Variants in SH3KBP1 observed in about 807,000 individuals in gnomAD.
SH3KBP1 encodes the protein SH3 domain-containing kinase-binding protein 1.
A neutral mutation model predicts 50.1 loss-of-function variants in SH3KBP1; 8 were observed. The ratio of observed to expected loss-of-function variants is 0.16; its 90% CI spans 0.09 to 0.29. SH3KBP1 has a LOEUF of 0.29. Among genes scored for constraint, SH3KBP1 ranks in the 10% least tolerant of loss-of-function variants. The pLI, the probability that SH3KBP1 is intolerant of heterozygous loss-of-function variation, is 1.00. For synonymous variants in SH3KBP1, 227 were observed against 218.6 expected, an observed-to-expected ratio of 1.04 and a Z score of -0.34; for missense variants, 377 against 535.2, an observed-to-expected ratio of 0.70 and a Z score of 2.92.
intron 2 of SH3KBP1, among the ~76,000 whole-genome samples, chrX:19,749,805 G>T (rs1477067861): frequency 8.9e-6 from 1 of 112,294 alleles, no homozygotes. Flanking sequence ...TAACTAAAAT[G>T]GTAAATTTTA....
intron 1 of SH3KBP1, among the ~76,000 whole-genome samples, chrX:19,866,278 G>C (rs936173296): frequency 8.9e-6 from 1 of 111,862 alleles, no homozygotes; most frequent in African/African-American, 3.3e-5. Flanking sequence ...TTCTATGGTA[G>C]AACCATGGCA....
intron 3 of SH3KBP1, among the ~76,000 whole-genome samples, chrX:19,722,819 CAA>C (rs200955557): frequency 2.1e-5 from 2 of 94,025 alleles, no homozygotes; most frequent in African/African-American, 7.8e-5. Flanking sequence ...ACCAGTTCTT[CAA>C]AAAAAAAAAA....
Position 19,668,961 on chromosome X carries a change from TA to T in SH3KBP1, c.726+14861del, listed in dbSNP as rs1569404910. On this transcript the variant is annotated intron_variant, in intron 6 of 17. Transcript: ENST00000397821. Reference sequence around the variant, plus strand: ...ATATATATATATATATATATATATATATATATATATATATTTTTTGAGACAG... The same window carrying T: ...ATATATATATATATATATATATATATTATATATATATATTTTTTGAGACAG... 7.7e-3 allele frequency among the ~76,000 whole-genome samples: 462 copies of T among 60,267 alleles called. 13 individuals are homozygous for T. Among genetic ancestry groups the T allele is most frequent in the African/African-American group, 0.028 (437 of 15,806 alleles). 52.3% of individuals were successfully genotyped at this position (60,267 alleles called of 115,157 possible). A position where few individuals can be genotyped will look rare whatever the true frequency, so the allele number is the denominator to read the frequency against.
intron 6 of SH3KBP1, among the ~76,000 whole-genome samples, chrX:19,682,766 C>T (rs2063083996): frequency 9.1e-6 from 1 of 109,585 alleles, no homozygotes; most frequent in Admixed American, 9.8e-5. Context: ...ATTCAGTGTT[C>T]GAAAAGTTTC....
At chrX:19,867,410 G>T (rs1032969598) in intron 1 of SH3KBP1, among the ~76,000 whole-genome samples, 1 of 111,935 alleles carries the variant, frequency 8.9e-6, no homozygotes, top group African/African-American at 3.3e-5. Flanking sequence ...AGATAAATAA[G>T]ATGTCTCACG....
chrX:19,864,577 G>C (rs2068858167), intron 1 of SH3KBP1, among the ~76,000 whole-genome samples: 1 of 111,579 alleles, frequency 9.0e-6, no homozygotes, highest in African/African-American at 3.3e-5. Flanking sequence ...ATGAGCCAAG[G>C]AATACGGGCT....
chrX:19,852,636 G>GAAAAAAAAAAA (rs760707711), intron 1 of SH3KBP1, among the ~76,000 whole-genome samples: 3 of 51,952 alleles, frequency 5.8e-5, no homozygotes, highest in African/African-American at 1.3e-4. Flanking sequence ...TAGCTGCACA[G>GAAAAAAAAAAA]AAAAAAAAAA....
At chrX:19,864,256 G>C (rs2068848376) in intron 1 of SH3KBP1, among the ~76,000 whole-genome samples, 1 of 111,443 alleles carries the variant, frequency 9.0e-6, no homozygotes, top group Non-Finnish European at 1.9e-5. Flanking sequence ...TGCCCCTTTG[G>C]CCCTACCCGA....
chrX:19,834,468 T>C (rs1173287801), intron 2 of SH3KBP1, among the ~76,000 whole-genome samples: 4 of 112,280 alleles, frequency 3.6e-5, no homozygotes, highest in African/African-American at 9.7e-5. Context: ...CAGTATGAGA[T>C]AGAAAGTTTA....
intron 2 of SH3KBP1, among the ~76,000 whole-genome samples, chrX:19,804,196 A>G (rs2066966029): frequency 9.1e-6 from 1 of 110,343 alleles, no homozygotes. Flanking sequence ...AAGAAATGAA[A>G]CCCCAAACCC....
At chrX:19,799,238 G>A (rs778154402) in intron 2 of SH3KBP1, among the ~76,000 whole-genome samples, 1 of 111,609 alleles carries the variant, frequency 9.0e-6, no homozygotes, top group East Asian at 2.8e-4. Flanking sequence ...AGAAATGGAT[G>A]CCTGCAGGGG....
intron 2 of SH3KBP1, among the ~76,000 whole-genome samples, chrX:19,762,744 T>C (rs955505836): frequency 1.8e-5 from 2 of 111,903 alleles, no homozygotes; most frequent in African/African-American, 6.5e-5. Flanking sequence ...GTGAATCAGG[T>C]GAGCTGCGTT....
At position 19,867,252 on chromosome X, in the gene SH3KBP1, T is replaced by G. The variant is rs1242913703; in HGVS notation, c.4+20055A>C. On this transcript the variant is annotated intron_variant, in intron 1 of 17. Transcript: ENST00000397821. Reference sequence around the variant, plus strand: ...CCCACTGGGGCTTCCTGAACCAGCATGTGCCTTCTCCTCAAGTGGTGACCC... The same window carrying G: ...CCCACTGGGGCTTCCTGAACCAGCAGGTGCCTTCTCCTCAAGTGGTGACCC... Among the ~76,000 whole-genome samples the G allele has an allele frequency of 2.7e-5, 3 of 110,910 alleles. No homozygotes were observed. The East Asian group carries it at 8.5e-4, about 32-fold the overall frequency.
At chrX:19,651,944 T>C (rs1052270136) in intron 6 of SH3KBP1, among the ~76,000 whole-genome samples, 1 of 111,596 alleles carries the variant, frequency 9.0e-6, no homozygotes, top group South Asian at 3.8e-4. Context: ...ACCTCGAGAG[T>C]AGGACCTAAA....
intron 1 of SH3KBP1, among the ~76,000 whole-genome samples, chrX:19,839,493 T>C (rs1458719164): frequency 9.0e-6 from 1 of 110,891 alleles, no homozygotes; most frequent in Non-Finnish European, 1.9e-5. Flanking sequence ...CACACCACCA[T>C]GCCCAGCTAA....
intron 3 of SH3KBP1, among the ~76,000 whole-genome samples, chrX:19,714,862 G>A (rs1292740574): frequency 2.7e-5 from 3 of 112,014 alleles, no homozygotes; most frequent in East Asian, 2.8e-4. Context: ...TTACATTTCC[G>A]GAGTTGTTAA....
chrX:19,596,430 GGA>G (rs2066907486), intron 9 of SH3KBP1, among the ~76,000 whole-genome samples: 1 of 111,972 alleles, frequency 8.9e-6, no homozygotes, highest in African/African-American at 3.2e-5. Flanking sequence ...TTTTGCTGGG[GGA>G]GGGTCTTGCC....
At chrX:19,849,722 C>A (rs1434958272) in intron 1 of SH3KBP1, among the ~76,000 whole-genome samples, 1 of 103,164 alleles carries the variant, frequency 9.7e-6, no homozygotes, top group African/African-American at 3.7e-5. Flanking sequence ...AGACAACCAA[C>A]CAGTTAGAAA....
chrX:19,583,125 C>CATTATT (rs200762944), intron 12 of SH3KBP1, among the ~76,000 whole-genome samples: 21,474 of 94,829 alleles, frequency 0.23, 2,571 homozygotes, highest in East Asian at 0.36. Flanking sequence ...TGCTAATACA[C>CATTATT]ATTATTATTA....
Sources: allele counts gnomAD v4.1 joint callset (sites outside exome capture counted in the v4.1 genomes callset), GRCh38; gene constraint gnomAD v4.1.1; transcripts MANE v1.5; gene names NCBI Gene and HGNC (gene_info 2026-07-23, HGNC 2026-07-21).